INPP4B: variants seen among roughly 807,000 people sequenced by gnomAD.
INPP4B encodes the protein inositol polyphosphate 4-phosphatase type II.
In INPP4B, 55 loss-of-function variants were observed where a neutral mutation model predicts 122.5. The ratio of observed to expected loss-of-function variants is 0.45; its 90% confidence interval spans 0.36 to 0.56. The LOEUF (loss-of-function observed/expected upper bound fraction) is 0.56, where lower values mean the gene tolerates loss of function less well. INPP4B is among the 20% of genes least tolerant of loss of function. INPP4B has a pLI of 0.00. For missense variants in INPP4B, 1,000 were observed against 1,097.7 expected (o/e 0.91, Z 1.26); for synonymous variants, 403 against 388.7 (o/e 1.04, Z -0.43).
Position 142,028,219 on chromosome 4 carries a change from A to ATGAT in INPP4B, c.*559_*562dup, listed in dbSNP as rs1373062763. On this transcript the variant is annotated 3_prime_UTR_variant, in exon 26 of 26. Transcript: ENST00000262992. ...AAGGGAGGAGTCACACCTTGACTGG[A>ATGAT]TGATAGAGATCATTGTGGAACATAC... The ATGAT allele has an allele frequency of 8.8e-6, 2 of 228,278 alleles. No individual in the cohort carries two copies. Among genetic ancestry groups the ATGAT allele is most frequent in the East Asian group, 1.3e-4 (2 of 15,954 alleles). 14.1% of individuals were successfully genotyped at this position (228,278 alleles called of 1,614,324 possible).
chr4:142,125,604 G>T (rs1157433103), intron 18 of INPP4B, among the ~76,000 whole-genome samples: 10 of 152,032 alleles, frequency 6.6e-5, no homozygotes, highest in African/African-American at 2.2e-4. Context: ...CCTGACAAAT[G>T]CTTTATCTCT....
chr4:142,633,181 A>C (rs1748362997), intron 2 of INPP4B, among the ~76,000 whole-genome samples: 1 of 152,024 alleles, frequency 6.6e-6, no homozygotes, highest in African/African-American at 2.4e-5. Context: ...CAAAAGGTTT[A>C]ATTCACTAGG....
chr4:142,330,522 C>A (rs1310756475), intron 7 of INPP4B, among the ~76,000 whole-genome samples: 1 of 152,170 alleles, frequency 6.6e-6, no homozygotes, highest in African/African-American at 2.4e-5. Context: ...TACACACACG[C>A]ATATGTGCAC....
At chr4:142,077,689 C>A (rs1453798557) in intron 25 of INPP4B, among the ~76,000 whole-genome samples, 6 of 151,114 alleles carry the variant, frequency 4.0e-5, no homozygotes, top group African/African-American at 1.5e-4. Flanking sequence ...TTCTCCCTTT[C>A]TTAAAAAAAA....
At chr4:142,466,425 T>C (rs1817793083) in intron 2 of INPP4B, among the ~76,000 whole-genome samples, 1 of 152,198 alleles carries the variant, frequency 6.6e-6, no homozygotes, top group Admixed American at 6.5e-5. Flanking sequence ...GCAGAAGAAA[T>C]TTCTAAGCAG....
At chr4:142,227,873 A>AAG (rs1298903877) in intron 12 of INPP4B, among the ~76,000 whole-genome samples, 10 of 150,414 alleles carry the variant, frequency 6.6e-5, no homozygotes, top group Admixed American at 2.0e-4. Context: ...AAAAAAAAAA[A>AAG]AAAAAAAGAA....
intron 12 of INPP4B, among the ~76,000 whole-genome samples, chr4:142,231,249 C>T (rs1251033312): frequency 1.3e-5 from 2 of 152,228 alleles, no homozygotes; most frequent in African/African-American, 2.4e-5. Flanking sequence ...GTTGCTGCGC[C>T]GTTATGTCCC....
At chr4:142,355,862 C>CTT (rs34285421) in intron 7 of INPP4B, among the ~76,000 whole-genome samples, 4 of 146,736 alleles carry the variant, frequency 2.7e-5, no homozygotes, top group African/African-American at 1.0e-4. Flanking sequence ...GGAGAGAAGC[C>CTT]TTTTTTTTTT....
intron 2 of INPP4B, among the ~76,000 whole-genome samples, chr4:142,585,466 T>C (rs3909597): frequency 0.014 from 2,137 of 152,258 alleles, 39 homozygotes; most frequent in African/African-American, 0.041. Flanking sequence ...TTAGATATTG[T>C]TTCTGGTGGG....
chr4:142,759,225 C>T (rs181927699), intron 1 of INPP4B, among the ~76,000 whole-genome samples: 4 of 152,250 alleles, frequency 2.6e-5, no homozygotes, highest in Admixed American at 2.0e-4. Context: ...CCCTTAATGA[C>T]ATCTCAGAGA....
At chr4:142,246,051 TTA>T (rs1162765316) in intron 11 of INPP4B, among the ~76,000 whole-genome samples, 13 of 52,526 alleles carry the variant, frequency 2.5e-4, no homozygotes, top group East Asian at 1.2e-3. Context: ...TATACACACA[TTA>T]TATATATGTG....
chr4:142,092,323 C>A (rs1779928101), intron 23 of INPP4B, among the ~76,000 whole-genome samples: 1 of 151,914 alleles, frequency 6.6e-6, no homozygotes. Context: ...CAGAGTCTTA[C>A]TTTATCACCC....
chr4:142,272,350 TAA>T (rs1351610699), intron 9 of INPP4B, among the ~76,000 whole-genome samples: 1 of 151,820 alleles, frequency 6.6e-6, no homozygotes, highest in African/African-American at 2.4e-5. Flanking sequence ...TTAAGAAAAT[TAA>T]AAGAGAAAAT....
At chr4:142,777,223 T>C (rs754985912) in intron 1 of INPP4B, among the ~76,000 whole-genome samples, 2 of 152,162 alleles carry the variant, frequency 1.3e-5, no homozygotes, top group Non-Finnish European at 2.9e-5. Context: ...TCCTCCCTTA[T>C]GACTTGCTTC....
At chr4:142,403,154 T>C in intron 6 of INPP4B, 100 bp from the exon 7 acceptor site, 1 of 728,804 alleles carries the variant, frequency 1.4e-6, no homozygotes, top group Non-Finnish European at 2.5e-6. Context: ...TGCCTGAGTC[T>C]GTTTTTCAAG....
At chr4:142,518,322 T>C (rs1367212503) in intron 2 of INPP4B, among the ~76,000 whole-genome samples, 1 of 152,132 alleles carries the variant, frequency 6.6e-6, no homozygotes, top group Non-Finnish European at 1.5e-5. Flanking sequence ...TTGACAGTTA[T>C]TGGCATGAAC....
At chr4:142,281,053 A>G (rs1486645244) in intron 9 of INPP4B, among the ~76,000 whole-genome samples, 1 of 151,980 alleles carries the variant, frequency 6.6e-6, no homozygotes, top group Non-Finnish European at 1.5e-5. Flanking sequence ...TATCACATTT[A>G]GACCTACAGA....
At chr4:142,782,308 G>A (rs1186987083) in intron 1 of INPP4B, among the ~76,000 whole-genome samples, 1 of 150,566 alleles carries the variant, frequency 6.6e-6, no homozygotes, top group South Asian at 2.1e-4. Context: ...CAAAGGACAT[G>A]AACTCATCAT....
chr4:142,826,905 T>A (rs929264155), intron 1 of INPP4B, among the ~76,000 whole-genome samples: 2 of 152,200 alleles, frequency 1.3e-5, no homozygotes, highest in Admixed American at 1.3e-4. Context: ...GCTTTTCCTG[T>A]GTAGCTACTG....
Sources: gnomAD v4.1 joint callset for allele counts (sites outside exome capture counted in the v4.1 genomes callset) on GRCh38, gnomAD v4.1.1 for gene constraint, MANE v1.5 for transcripts, NCBI Gene and HGNC (gene_info 2026-07-23, HGNC 2026-07-21) for gene names.